Variants in ANPEP observed in about 807,000 individuals in gnomAD.
ANPEP encodes the protein alanyl aminopeptidase, membrane, also known as aminopeptidase N.
A neutral mutation model predicts 114.6 loss-of-function variants in ANPEP; 70 were observed. The observed-to-expected ratio is 0.61, with a 90% CI of 0.50 to 0.75. ANPEP has a LOEUF of 0.75. ANPEP is among the 30% of genes least tolerant of loss of function. The pLI is 0.00. For missense variants in ANPEP, 1,184 were observed against 1,259.5 expected (o/e 0.94, Z 0.91); for synonymous variants, 548 against 522.3 (o/e 1.05, Z -0.67).
intron 2 of ANPEP, among the ~76,000 whole-genome samples, chr15:89,805,680 CA>C (rs1273544797): frequency 7.2e-5 from 11 of 152,232 alleles, no homozygotes; most frequent in Admixed American, 5.2e-4. Context: ...GGGGTGCCAG[CA>C]GGCTCTCAGG....
rs112384629 is a variant in ANPEP, at chr15:89,804,291, G to C, written c.1141C>G (p.Arg381Gly). ...TCATGAGCAATCACAGTGACCACCC[G>C]CTCCTTGTTGCTGCTGGAGGAGGAC... ...PLSSSSSNKE[R>G]VVTVIAHELA... The change falls in exon 6 of 21, where the codon CGG (arginine) becomes GGG (glycine). Residue 381 changes from arginine to glycine, a missense_variant. Transcript: ENST00000300060. The C allele has an allele frequency of 4.2e-5, 67 of 1,614,078 alleles. No homozygotes were observed. The Admixed American group carries it at 1.1e-3, about 27-fold the overall frequency.
At position 89,803,630 on chromosome 15, in the gene ANPEP, C is replaced by A. The variant is rs2305443; in HGVS notation, c.1437+17G>T. ...TCCCCACCTCCTTCCCCGTGCCCCA[C>A]GAGGAGCGGGCTGCACCTTGCTGTA... On this transcript the variant is annotated intron_variant, in intron 8 of 20. Coordinates refer to ENST00000300060, the MANE Select transcript of ANPEP (RefSeq NM_001150.3). The surrounding 1 kb of genome is among the most constrained non-coding windows in gnomAD (Gnocchi z 4.2). 2.5e-6 allele frequency: 4 copies of A among 1,605,618 alleles called. No individual in the cohort carries two copies. The Admixed American group carries it at 6.7e-5, about 27-fold the overall frequency.
intron 15 of ANPEP, 108 bp downstream of exon 15, chr15:89,797,467 G>T: frequency 3.5e-6 from 5 of 1,413,276 alleles, no homozygotes; most frequent in East Asian, 2.5e-5. Flanking sequence ...TGCTTTTGAA[G>T]GTTCCCTGAC....
chr15:89,805,708 C>T (rs982976721), intron 2 of ANPEP, among the ~76,000 whole-genome samples: 4 of 152,320 alleles, frequency 2.6e-5, no homozygotes, highest in South Asian at 2.1e-4. Context: ...GGGTGAGTTT[C>T]TCTCCTCTGA....
chr15:89,797,400 G>A (rs1173908615), intron 15 of ANPEP, 175 bp downstream of exon 15: 4 of 927,246 alleles, frequency 4.3e-6, no homozygotes, highest in East Asian at 2.8e-5. Flanking sequence ...TTTCACCTGC[G>A]TGCTCTCAGG....
At chr15:89,808,403 A>G (rs1894762013) in intron 1 of ANPEP, among the ~76,000 whole-genome samples, 1 of 152,198 alleles carries the variant, frequency 6.6e-6, no homozygotes, top group African/African-American at 2.4e-5. Context: ...TGTGGTGATA[A>G]CTTGAGTCCT....
chr15:89,811,976 C>A (rs1171481950), intron 1 of ANPEP, among the ~76,000 whole-genome samples: 1 of 152,172 alleles, frequency 6.6e-6, no homozygotes, highest in East Asian at 1.9e-4. Context: ...AAACCAAAGC[C>A]AAAACCAAAA....
chr15:89,788,913 C>T (rs2141786498), intron 20 of ANPEP, among the ~76,000 whole-genome samples: 1 of 152,108 alleles, frequency 6.6e-6, no homozygotes, highest in Non-Finnish European at 1.5e-5. Context: ...AAGCACCCCA[C>T]CCACCCTACC....
rs776965284 is a variant in ANPEP at position 89,806,166 on chromosome 15, G to A, written c.418C>T (p.Arg140Cys). ...GGGGGCTGGGAGCCTCCCACACCAC[G>A]CAGGACCACCCTGTGCCCCTGGCTG... ...TLSQGHRVVLRGVGGSQPPDI... is the reference protein window; with the variant it reads ...TLSQGHRVVLCGVGGSQPPDI... Residue 140 changes from arginine (R) to cysteine (C), a missense_variant, in exon 2 of 21, where the codon CGT (arginine) becomes TGT (cysteine). Arg to Cys is a radical substitution (Grantham distance 180, BLOSUM62 -3). Transcript: ENST00000300060. The surrounding 1 kb of genome is among the most constrained non-coding windows in gnomAD (Gnocchi z 5.7). 29 of 1,613,890 alleles carry A rather than the reference G, an allele frequency of 1.8e-5. No homozygotes were observed. Among genetic ancestry groups the A allele is most frequent in the East Asian group, 4.5e-5 (2 of 44,882 alleles).
chr15:89,803,282 T>C lies in ANPEP; in HGVS notation c.1526A>G (p.Tyr509Cys), dbSNP rs1894632113. ...GLASYLHTFA[Y>C]QNTIYLNLWD... Reference sequence around the variant, plus strand: ...CAGGTTCAGGTAGATGGTGTTCTGGTAGGCAAAGGTGTGGAGGTAGGACTG... The same window carrying C: ...CAGGTTCAGGTAGATGGTGTTCTGGCAGGCAAAGGTGTGGAGGTAGGACTG... Residue 509 changes from tyrosine (Y) to cysteine (C), a missense_variant, in exon 10 of 21, where the codon TAC becomes TGC. Coordinates refer to ENST00000300060, the MANE Select transcript of ANPEP (RefSeq NM_001150.3). This position sits in a 1 kb window ranked among gnomAD's most constrained non-coding sequence, Gnocchi z 4.2. 1 of 1,613,886 alleles carries C rather than the reference T, an allele frequency of 6.2e-7. No homozygotes were observed. The highest frequency in any genetic ancestry group is 1.1e-5 in the South Asian group (1 of 91,086).
chr15:89,793,241 C>G, intron 15 of ANPEP, 115 bp from the exon 16 acceptor site: 1 of 852,888 alleles, frequency 1.2e-6, no homozygotes, highest in Non-Finnish European at 1.9e-6. Context: ...AGGTCAGGGC[C>G]TCACCTGAGG....
At chr15:89,786,264 C>T in intron 20 of ANPEP, among the ~76,000 whole-genome samples, 1 of 152,052 alleles carries the variant, frequency 6.6e-6, no homozygotes, top group East Asian at 1.9e-4. Context: ...TAAAGAACAC[C>T]TAAGTAAAAA....
intron 15 of ANPEP, among the ~76,000 whole-genome samples, chr15:89,795,353 A>T (rs1020161377): frequency 6.6e-6 from 1 of 152,214 alleles, no homozygotes; most frequent in Non-Finnish European, 1.5e-5. Flanking sequence ...AATAAGCTGG[A>T]TTACAGGGGT....
At chr15:89,790,049 A>T (rs1028866202) in intron 20 of ANPEP, among the ~76,000 whole-genome samples, 3 of 144,878 alleles carry the variant, frequency 2.1e-5, no homozygotes, top group African/African-American at 7.9e-5. Context: ...ACAGAGCAAG[A>T]CTCCATCTCA....
At chr15:89,797,045 A>G (rs1011362579) in intron 15 of ANPEP, among the ~76,000 whole-genome samples, 3 of 152,186 alleles carry the variant, frequency 2.0e-5, no homozygotes, top group Non-Finnish European at 4.4e-5. Flanking sequence ...CAGCCCTCAA[A>G]TAGGCCCCTA....
chr15:89,811,690 C>T (rs187835357), intron 1 of ANPEP, among the ~76,000 whole-genome samples: 155 of 151,762 alleles, frequency 1.0e-3, no homozygotes, highest in African/African-American at 3.4e-3. Flanking sequence ...AATTGTTCCT[C>T]TAGGTAGCTC....
At chr15:89,801,694 C>T (rs1453391300) in intron 10 of ANPEP, 87 bp from the exon 11 acceptor site, 21 of 1,466,648 alleles carry the variant, frequency 1.4e-5, no homozygotes, top group Non-Finnish European at 1.8e-5. Flanking sequence ...CTCGCCTCGA[C>T]CCCGGGGGGC....
rs770031010 is a variant in ANPEP at position 89,790,473 on chromosome 15, T to C, written c.2738A>G (p.Tyr913Cys). Residue 913 changes from tyrosine (Y) to cysteine (C), a missense_variant, in exon 20 of 21, where the codon TAT (tyrosine) becomes TGT (cysteine). Tyr to Cys is a radical substitution (Grantham distance 194). Coordinates refer to ENST00000300060, the MANE Select transcript of ANPEP (RefSeq NM_001150.3). The stretch of plus-strand genomic sequence containing the variant: ...ATGACTTCTTACCTGCTGCAGCTCA[T>C]ACTCGGTGGAGAATCGTCGTGTCAC... Reference protein sequence around the residue: ...QAVTRRFSTEYELQQLEQFKK... With the variant: ...QAVTRRFSTECELQQLEQFKK... The C allele has an allele frequency of 2.5e-6, 4 of 1,613,780 alleles. No homozygotes were observed. The highest frequency in any genetic ancestry group is 3.4e-6 in the Non-Finnish European group (4 of 1,179,758).
chr15:89,801,136 C>T lies in ANPEP; in HGVS notation c.1794G>A (p.Gln598=), dbSNP rs941365815. 6.2e-7 allele frequency: 1 copy of T among 1,614,082 alleles called. No individual in the cohort carries two copies. Among genetic ancestry groups the T allele is most frequent in the African/African-American group, 1.3e-5 (1 of 74,938 alleles). The part of the protein sequence containing the change: ...ITSIRDGRQQ[Q]DYWLIDVRAQ... The stretch of plus-strand genomic sequence containing the variant: ...CTCTTACATCTATCAGCCAGTAGTC[C>T]TGCTGCTGTCTGCCATCTCTGATGG... Residue 598 remains glutamine, a synonymous_variant, in exon 12 of 21, where the codon CAG becomes CAA. Transcript: ENST00000300060.
Sources: gnomAD v4.1 joint callset for allele counts (sites outside exome capture counted in the v4.1 genomes callset) on GRCh38, gnomAD v4.1.1 for gene constraint, Gnocchi (gnomAD v3.1) non-coding constraint, MANE v1.5 for transcripts, NCBI Gene and HGNC (gene_info 2026-07-23, HGNC 2026-07-21) for gene names.